GPC6: variants seen among roughly 807,000 people sequenced by gnomAD.
GPC6 encodes the protein glypican 6.
GPC6 carries 14 observed loss-of-function variants against 55.2 expected under a neutral mutation model. The ratio of observed to expected loss-of-function variants is 0.25; its 90% confidence interval spans 0.17 to 0.40. The LOEUF is 0.40. Among genes scored for constraint, GPC6 ranks in the 10% least tolerant of loss-of-function variants. The pLI is 1.00. For missense variants in GPC6, 641 were observed against 708.5 expected, an observed-to-expected ratio of 0.90 and a Z score of 1.08; for synonymous variants, 278 against 259.6, an observed-to-expected ratio of 1.07 and a Z score of -0.68.
At chr13:94,164,702 T>C (rs1004135595) in intron 4 of GPC6, among the ~76,000 whole-genome samples, 3 of 152,174 alleles carry the variant, frequency 2.0e-5, no homozygotes, top group African/African-American at 7.2e-5. Flanking sequence ...ATAACAGGGA[T>C]AGAATAACTT....
intron 3 of GPC6, among the ~76,000 whole-genome samples, chr13:93,956,949 A>C (rs558190228): frequency 8.5e-5 from 13 of 152,164 alleles, no homozygotes; most frequent in African/African-American, 2.7e-4. Context: ...TAACTTGAAA[A>C]CTATTGTACA....
At chr13:93,673,960 C>T (rs2139631811) in intron 2 of GPC6, among the ~76,000 whole-genome samples, 1 of 152,136 alleles carries the variant, frequency 6.6e-6, no homozygotes, top group South Asian at 2.1e-4. Flanking sequence ...TTTCAGTTTT[C>T]CTCCTGTAAG....
intron 4 of GPC6, among the ~76,000 whole-genome samples, chr13:94,270,531 G>A (rs1891958380): frequency 6.6e-6 from 1 of 152,276 alleles, no homozygotes; most frequent in African/African-American, 2.4e-5. Flanking sequence ...CATCTGAAAG[G>A]AAGTATCACA....
intron 2 of GPC6, among the ~76,000 whole-genome samples, chr13:93,723,932 T>C (rs980292109): frequency 2.0e-5 from 3 of 151,978 alleles, no homozygotes; most frequent in African/African-American, 7.2e-5. Context: ...CTTGTTAAGG[T>C]TGAACAGAGA....
chr13:93,971,326 A>C (rs1055175353), intron 3 of GPC6, among the ~76,000 whole-genome samples: 1 of 152,338 alleles, frequency 6.6e-6, no homozygotes, highest in Non-Finnish European at 1.5e-5. Context: ...ATGTGAAAGA[A>C]GTAACTGTGT....
At chr13:93,637,913 G>T (rs1178786971) in intron 2 of GPC6, among the ~76,000 whole-genome samples, 1 of 151,938 alleles carries the variant, frequency 6.6e-6, no homozygotes, top group African/African-American at 2.4e-5. Flanking sequence ...ATGACAAATG[G>T]GGACATTCCA....
chr13:93,488,247 G>C (rs748954344), intron 1 of GPC6, among the ~76,000 whole-genome samples: 5 of 152,068 alleles, frequency 3.3e-5, no homozygotes, highest in Non-Finnish European at 7.4e-5. Context: ...GCGATAGTTT[G>C]CTCATAATGA....
At chr13:93,806,337 C>A (rs1397514112) in intron 2 of GPC6, among the ~76,000 whole-genome samples, 1 of 151,844 alleles carries the variant, frequency 6.6e-6, no homozygotes, top group Admixed American at 6.6e-5. Context: ...CAATTTTATT[C>A]ATTTTTATTT....
chr13:94,321,332 T>C (rs1876812539), intron 6 of GPC6, among the ~76,000 whole-genome samples: 1 of 152,186 alleles, frequency 6.6e-6, no homozygotes, highest in South Asian at 2.1e-4. Context: ...GACATGTAGG[T>C]TGATTCCATG....
chr13:94,209,314 A>T (rs767301515), intron 4 of GPC6, among the ~76,000 whole-genome samples: 35 of 152,182 alleles, frequency 2.3e-4, no homozygotes, highest in Non-Finnish European at 4.0e-4. Flanking sequence ...TAGAGTGAGC[A>T]TTATTTAGGC....
At chr13:93,827,308 T>A (rs118061673) in intron 2 of GPC6, among the ~76,000 whole-genome samples, 2 of 152,310 alleles carry the variant, frequency 1.3e-5, no homozygotes, top group East Asian at 1.9e-4. Flanking sequence ...CTTCTAAATC[T>A]CCATCTTGTT....
chr13:94,275,963 T>C (rs535897541), intron 4 of GPC6, among the ~76,000 whole-genome samples: 1 of 152,310 alleles, frequency 6.6e-6, no homozygotes, highest in South Asian at 2.1e-4. Context: ...GAATCAGATA[T>C]TGTCATGTAT....
intron 3 of GPC6, among the ~76,000 whole-genome samples, chr13:93,938,084 C>G (rs1404723463): frequency 6.6e-6 from 1 of 151,978 alleles, no homozygotes; most frequent in Middle Eastern, 3.2e-3. Context: ...TTGGGAGCAA[C>G]TCTTTAAGAC....
At chr13:93,819,854 C>A (rs1392810529) in intron 2 of GPC6, among the ~76,000 whole-genome samples, 1 of 152,046 alleles carries the variant, frequency 6.6e-6, no homozygotes, top group African/African-American at 2.4e-5. Flanking sequence ...AAATAACCTA[C>A]CAAGAAATAA....
chr13:93,287,853 G>GT (rs554278023), intron 1 of GPC6, among the ~76,000 whole-genome samples: 112 of 151,936 alleles, frequency 7.4e-4, no homozygotes, highest in Admixed American at 1.8e-3. Flanking sequence ...AGGAAATTAT[G>GT]TTTTTTTTAA....
At chr13:93,401,028 C>A (rs540770786) in intron 1 of GPC6, among the ~76,000 whole-genome samples, 4 of 152,080 alleles carry the variant, frequency 2.6e-5, no homozygotes, top group Admixed American at 1.3e-4. Context: ...CACTTTCCTC[C>A]TTGCTTTTTG....
intron 1 of GPC6, among the ~76,000 whole-genome samples, chr13:93,420,155 T>C (rs1031699023): frequency 6.6e-6 from 1 of 152,196 alleles, no homozygotes; most frequent in Non-Finnish European, 1.5e-5. Flanking sequence ...ACCAACAATG[T>C]TGTCAAACTT....
At chr13:93,993,190 A>G (rs1170037112) in intron 3 of GPC6, among the ~76,000 whole-genome samples, 1 of 152,170 alleles carries the variant, frequency 6.6e-6, no homozygotes. Context: ...ATATATGTAC[A>G]ACTACTTTTG....
At chr13:94,018,855 A>T (rs1402947076) in intron 3 of GPC6, among the ~76,000 whole-genome samples, 1 of 152,138 alleles carries the variant, frequency 6.6e-6, no homozygotes, top group African/African-American at 2.4e-5. Context: ...TGCATATGCA[A>T]GGGATCTAGG....
Sources: gnomAD v4.1 joint callset for allele counts (sites outside exome capture counted in the v4.1 genomes callset) on GRCh38, gnomAD v4.1.1 for gene constraint, MANE v1.5 for transcripts, NCBI Gene and HGNC (gene_info 2026-07-23, HGNC 2026-07-21) for gene names.